Variants in TTLL7 observed in about 807,000 individuals in gnomAD.
TTLL7 encodes tubulin polyglutamylase TTLL7.
Under a neutral mutation model 120.2 loss-of-function variants are expected in TTLL7, and 53 were observed. That is an observed-to-expected ratio of 0.44 (90% CI 0.35 to 0.55). The LOEUF is 0.55. TTLL7 is among the 20% of genes least tolerant of loss of function. The pLI, the probability that TTLL7 is intolerant of heterozygous loss-of-function variation, is 0.00. For synonymous variants in TTLL7, 353 were observed against 351.7 expected (o/e 1.00, Z -0.04); for missense variants, 803 against 1,054.7 (o/e 0.76, Z 3.31).
chr1:83,959,750 G>A lies in TTLL7; in HGVS notation c.-176-7363C>T, dbSNP rs565445980. ...AAAATTGTAGAGGGAAGGGAAAGGA[G>A]GAATGCAAATCAACACCAACAAGGG... On this transcript the variant is annotated intron_variant, in intron 1 of 20. Transcript: ENST00000260505. Among the ~76,000 whole-genome samples the A allele has an allele frequency of 1.6e-4, 24 of 152,166 alleles. No individual in the cohort carries two copies. In the East Asian group the frequency reaches 4.1e-3, roughly 26 times the overall value.
chr1:83,911,407 A>G (rs773981195), intron 14 of TTLL7, 44 bp from the exon 15 acceptor site: 2 of 1,488,074 alleles, frequency 1.3e-6, no homozygotes, highest in Non-Finnish European at 1.8e-6. Flanking sequence ...ATTCTTAAAA[A>G]AGGTTTATTG....
intron 15 of TTLL7, among the ~76,000 whole-genome samples, chr1:83,909,056 T>C (rs937542796): frequency 1.4e-5 from 2 of 138,132 alleles, no homozygotes. Flanking sequence ...CTGGTCAATC[T>C]TTTTTTTTTT....
intron 18 of TTLL7, among the ~76,000 whole-genome samples, chr1:83,894,001 G>T (rs117479529): frequency 6.6e-6 from 1 of 152,068 alleles, no homozygotes; most frequent in East Asian, 1.9e-4. Flanking sequence ...GAGTATCAAG[G>T]CATTAATTCA....
intron 14 of TTLL7, among the ~76,000 whole-genome samples, chr1:83,913,919 T>C (rs1301039768): frequency 6.6e-6 from 1 of 152,206 alleles, no homozygotes; most frequent in African/African-American, 2.4e-5. Context: ...AGAAACATTG[T>C]GCCTCCAGGA....
chr1:83,933,860 A>G, intron 8 of TTLL7, 94 bp from the exon 9 acceptor site: 1 of 1,238,892 alleles, frequency 8.1e-7, no homozygotes, highest in East Asian at 2.4e-5. Context: ...AGCCTGGCCA[A>G]GTTTACAAAG....
At chr1:83,880,552 C>T (rs537361527) in intron 20 of TTLL7, among the ~76,000 whole-genome samples, 66 of 152,062 alleles carry the variant, frequency 4.3e-4, no homozygotes, top group South Asian at 1.9e-3. Flanking sequence ...TCCGAGCTAT[C>T]GTGGTTCCAT....
At chr1:83,951,795 G>T in intron 3 of TTLL7, 50 bp downstream of exon 3, 1 of 1,560,358 alleles carries the variant, frequency 6.4e-7, no homozygotes, top group Non-Finnish European at 8.6e-7. Flanking sequence ...CACCAAATCA[G>T]TTTTTCCAGC....
intron 1 of TTLL7, among the ~76,000 whole-genome samples, chr1:83,962,117 G>A (rs1650069032): frequency 6.6e-6 from 1 of 152,126 alleles, no homozygotes; most frequent in Non-Finnish European, 1.5e-5. Context: ...GCCAAAAAAT[G>A]CACAATAGCT....
rs530639215 is a variant in TTLL7 at position 83,977,746 on chromosome 1, A to T, written c.-177+21185T>A. 2.6e-5 allele frequency among the ~76,000 whole-genome samples: 4 copies of T among 152,288 alleles called. No individual in the cohort carries two copies. In the East Asian group the frequency reaches 7.7e-4, roughly 29 times the overall value. ...ATAGCATGCTACTATTTAAATTTAA[A>T]TTTAAATTTAGCTCTTTTGGGCTAG... On this transcript the variant is annotated intron_variant, in intron 1 of 20. Transcript: ENST00000260505.
intron 18 of TTLL7, among the ~76,000 whole-genome samples, chr1:83,891,527 T>C (rs1437400134): frequency 2.6e-5 from 4 of 151,990 alleles, no homozygotes; most frequent in African/African-American, 9.7e-5. Context: ...TCTCCTAAAG[T>C]TGAAAATTAA....
chr1:83,947,344 C>A, intron 5 of TTLL7, 62 bp from the exon 6 acceptor site: 2 of 1,419,830 alleles, frequency 1.4e-6, no homozygotes, highest in East Asian at 2.4e-5. Context: ...TTTTCTTTCT[C>A]TGGGCTACTG....
At chr1:83,924,058 G>C (rs932637478) in intron 10 of TTLL7, among the ~76,000 whole-genome samples, 1 of 152,028 alleles carries the variant, frequency 6.6e-6, no homozygotes, top group African/African-American at 2.4e-5. Context: ...CCATACCATT[G>C]TCTTCCAACC....
At chr1:83,967,574 G>A (rs952347334) in intron 1 of TTLL7, among the ~76,000 whole-genome samples, 15 of 152,060 alleles carry the variant, frequency 9.9e-5, no homozygotes, top group Admixed American at 3.3e-4. Flanking sequence ...TCCAAATCCA[G>A]TTCTAATATC....
chr1:83,998,370 G>T (rs529146347), intron 1 of TTLL7, among the ~76,000 whole-genome samples: 1 of 152,100 alleles, frequency 6.6e-6, no homozygotes, highest in African/African-American at 2.4e-5. Flanking sequence ...ACTTTCATAG[G>T]GTATCTTTTA....
intron 10 of TTLL7, among the ~76,000 whole-genome samples, chr1:83,927,191 A>C (rs1349700469): frequency 1.3e-5 from 2 of 152,204 alleles, no homozygotes; most frequent in Admixed American, 1.3e-4. Context: ...CCTGAAGGTC[A>C]TACTGTAAGC....
chr1:83,927,943 A>G (rs1019052096), intron 10 of TTLL7, among the ~76,000 whole-genome samples: 8 of 152,194 alleles, frequency 5.3e-5, no homozygotes, highest in Non-Finnish European at 1.2e-4. Flanking sequence ...CCTCATTAGC[A>G]TATGCTCTAA....
chr1:83,944,288 C>T (rs1180251453), intron 6 of TTLL7, among the ~76,000 whole-genome samples: 2 of 152,144 alleles, frequency 1.3e-5, no homozygotes, highest in Non-Finnish European at 2.9e-5. Context: ...AAACATTAAT[C>T]TACACATCCA....
intron 20 of TTLL7, among the ~76,000 whole-genome samples, chr1:83,872,320 T>A (rs1653496039): frequency 6.6e-6 from 1 of 152,202 alleles, no homozygotes; most frequent in South Asian, 2.1e-4. Context: ...AACAAGTGAT[T>A]TCTCACATCA....
chr1:83,905,606 T>C (rs887776566), intron 17 of TTLL7, among the ~76,000 whole-genome samples: 4 of 151,036 alleles, frequency 2.6e-5, no homozygotes, highest in African/African-American at 4.8e-5. Flanking sequence ...TTTTTATATA[T>C]TTATAAATAT....
Sources: gnomAD v4.1 joint callset for allele counts (sites outside exome capture counted in the v4.1 genomes callset) on GRCh38, gnomAD v4.1.1 for gene constraint, MANE v1.5 for transcripts, NCBI Gene and HGNC (gene_info 2026-07-23, HGNC 2026-07-21) for gene names.